The following MCC variants were observed in gnomAD, a reference collection of about 807,000 sequenced individuals.
The protein encoded by MCC is MCC regulator of Wnt signaling pathway.
A neutral mutation model predicts 116.2 loss-of-function variants in MCC; 90 were observed. The ratio of observed to expected loss-of-function variants is 0.77; its 90% CI spans 0.65 to 0.92. The LOEUF is 0.92. Ranked by LOEUF, MCC falls within the 40% of genes least tolerant of loss-of-function variation. MCC has a pLI of 0.00. For synonymous variants in MCC, 578 were observed against 510.5 expected (o/e 1.13, Z -1.78); for missense variants, 1,516 against 1,312.2 (o/e 1.16, Z -2.40).
chr5:113,293,615 G>T (rs534155078), intron 3 of MCC, among the ~76,000 whole-genome samples: 5 of 152,136 alleles, frequency 3.3e-5, no homozygotes, highest in Non-Finnish European at 7.3e-5. Context: ...GCATCTTACC[G>T]CTCACACATT....
intron 6 of MCC, among the ~76,000 whole-genome samples, chr5:113,112,102 A>G (rs1422252554): frequency 6.6e-6 from 1 of 152,192 alleles, no homozygotes; most frequent in African/African-American, 2.4e-5. Flanking sequence ...CCTCTTTACC[A>G]GAATGACTTT....
intron 3 of MCC, among the ~76,000 whole-genome samples, chr5:113,203,521 C>G (rs955802831): frequency 2.0e-5 from 3 of 151,954 alleles, no homozygotes; most frequent in African/African-American, 7.3e-5. Context: ...CTTTGCTGAC[C>G]TGCCCGGGGG....
At chr5:113,047,396 T>G (rs921919824) in intron 16 of MCC, among the ~76,000 whole-genome samples, 1 of 152,232 alleles carries the variant, frequency 6.6e-6, no homozygotes, top group African/African-American at 2.4e-5. Flanking sequence ...TTGGGAGGGC[T>G]GGCCTGGCTG....
At chr5:113,067,751 A>G (rs1272921239) in intron 13 of MCC, among the ~76,000 whole-genome samples, 1 of 152,292 alleles carries the variant, frequency 6.6e-6, no homozygotes, top group African/African-American at 2.4e-5. Flanking sequence ...CCTTGACAAC[A>G]GGCATCAGAG....
At chr5:113,028,461 A>G (rs1750731737) in intron 18 of MCC, among the ~76,000 whole-genome samples, 2 of 152,318 alleles carry the variant, frequency 1.3e-5, no homozygotes, top group South Asian at 2.1e-4. Context: ...GTATCAATAA[A>G]TACAACTTAC....
chr5:113,213,559 G>T (rs1763206097), intron 3 of MCC, among the ~76,000 whole-genome samples: 1 of 152,102 alleles, frequency 6.6e-6, no homozygotes, highest in Non-Finnish European at 1.5e-5. Context: ...AGACTGCTTG[G>T]ACCCTTAATG....
chr5:113,430,822 G>C (rs1264726976), intron 1 of MCC, among the ~76,000 whole-genome samples: 3 of 152,152 alleles, frequency 2.0e-5, no homozygotes, highest in Non-Finnish European at 4.4e-5. Flanking sequence ...CTGATCATGA[G>C]GGCCCGTACT....
At chr5:113,276,650 A>G (rs1264794106) in intron 3 of MCC, among the ~76,000 whole-genome samples, 1 of 152,146 alleles carries the variant, frequency 6.6e-6, no homozygotes, top group African/African-American at 2.4e-5. Context: ...TTTTTGAGAC[A>G]GGGTCTGGCT....
chr5:113,431,773 G>GT (rs1467136122), intron 1 of MCC, among the ~76,000 whole-genome samples: 1 of 138,582 alleles, frequency 7.2e-6, no homozygotes, highest in African/African-American at 2.5e-5. Context: ...AGGGGGGGGG[G>GT]GGGTGGATCA....
chr5:113,260,040 C>T (rs2150348007), intron 3 of MCC, among the ~76,000 whole-genome samples: 1 of 151,996 alleles, frequency 6.6e-6, no homozygotes, highest in Admixed American at 6.6e-5. Flanking sequence ...ATGTGGCCTG[C>T]ATTCATTATA....
chr5:113,046,312 C>T (rs1164831949), intron 16 of MCC, among the ~76,000 whole-genome samples: 3 of 152,038 alleles, frequency 2.0e-5, no homozygotes, highest in African/African-American at 7.2e-5. Context: ...TGTGCCGCAG[C>T]CTCCCGAGTA....
Position 113,026,934 on chromosome 5 carries a change from G to C in MCC, c.*368C>G, listed in dbSNP as rs554498148. On this transcript the variant is annotated 3_prime_UTR_variant, in exon 19 of 19. Transcript: ENST00000408903. ...TGAGCCCAGCATCTACCAAAAAGAG[G>C]ATACAATGGAAAATCTTACAGAAAC... The C allele has an allele frequency of 5.0e-6, 1 of 201,164 alleles. No homozygotes were observed. The highest frequency in any genetic ancestry group is 1.2e-4 in the East Asian group (1 of 8,100). The allele number at this position is 201,164 out of a possible 1,614,324, so 12.5% of individuals were successfully genotyped here. A position where few individuals can be genotyped will look rare whatever the true frequency, so the allele number is the denominator to read the frequency against.
chr5:113,048,941 TG>T, intron 16 of MCC, 151 bp downstream of exon 16: 1 of 695,984 alleles, frequency 1.4e-6, no homozygotes, highest in Non-Finnish European at 2.5e-6. Flanking sequence ...ACACTCAAAA[TG>T]TCACCTTCTT....
chr5:113,478,812 G>C (rs1037488770), intron 1 of MCC, among the ~76,000 whole-genome samples: 1 of 152,174 alleles, frequency 6.6e-6, no homozygotes, highest in Admixed American at 6.5e-5. Context: ...CAGTCTCACA[G>C]AGAGTCCTTC....
chr5:113,368,480 A>C (rs1768756372), intron 2 of MCC, among the ~76,000 whole-genome samples: 1 of 151,770 alleles, frequency 6.6e-6, no homozygotes, highest in Admixed American at 6.6e-5. Context: ...CTGCATCAGC[A>C]CTCTAACTTT....
rs376589810 is a variant in MCC, at chr5:113,488,277, C to G, written c.138G>C (p.Thr46=). 3 of 1,595,440 alleles carry G rather than the reference C, an allele frequency of 1.9e-6. No homozygotes were observed. Among genetic ancestry groups the G allele is most frequent in the Non-Finnish European group, 2.6e-6 (3 of 1,171,904 alleles). The change falls in exon 1 of 19, where the codon ACG becomes ACC. Residue 46 remains threonine (T), a synonymous_variant. Transcript: ENST00000408903. Reference sequence around the variant, plus strand: ...TGTATCCGTCCCCGTCGCCGTCGCACGTCTGGAAGAGGCGCCGCATCCTCT... The same window carrying G: ...TGTATCCGTCCCCGTCGCCGTCGCAGGTCTGGAAGAGGCGCCGCATCCTCT... ...EEERMRRLFQ[T]CDGDGDGYIS...
intron 3 of MCC, chr5:113,294,360 T>C (rs201753459): frequency 8.7e-5 from 135 of 1,552,984 alleles, no homozygotes; most frequent in Non-Finnish European, 1.1e-4. Context: ...GTCGTTTCCA[T>C]ATTTCATGGC....
At chr5:113,458,390 G>A (rs760277585) in intron 1 of MCC, among the ~76,000 whole-genome samples, 1 of 151,812 alleles carries the variant, frequency 6.6e-6, no homozygotes, top group Non-Finnish European at 1.5e-5. Context: ...TGAGCCAGCG[G>A]GACCACGAAC....
intron 4 of MCC, among the ~76,000 whole-genome samples, chr5:113,150,619 C>T (rs1759800892): frequency 1.3e-5 from 2 of 151,052 alleles, no homozygotes; most frequent in South Asian, 4.2e-4. Flanking sequence ...CACATAATAC[C>T]CCAAGAGAAA....
Sources: gnomAD v4.1 joint callset for allele counts (sites outside exome capture counted in the v4.1 genomes callset) on GRCh38, gnomAD v4.1.1 for gene constraint, MANE v1.5 for transcripts, NCBI Gene and HGNC (gene_info 2026-07-23, HGNC 2026-07-21) for gene names.